Variants in ZNHIT6 observed in about 807,000 individuals in gnomAD.
ZNHIT6 encodes the protein box C/D snoRNA protein 1.
Under a neutral mutation model 57.2 loss-of-function variants are expected in ZNHIT6, and 45 were observed. The ratio of observed to expected loss-of-function variants is 0.79; its 90% confidence interval spans 0.62 to 1.01. ZNHIT6 has a LOEUF of 1.01. ZNHIT6 is among the 50% of genes least tolerant of loss of function. The pLI, the probability that ZNHIT6 is intolerant of heterozygous loss-of-function variation, is 0.00. For synonymous variants in ZNHIT6, 188 were observed against 190.0 expected (o/e 0.99, Z 0.09); for missense variants, 528 against 567.3 (o/e 0.93, Z 0.70).
In ZNHIT6 at chr1:85,653,013, C is replaced by CT. The variant is rs1190078050; in HGVS notation, c.*1044dup. 1 of 150,784 alleles carries CT rather than the reference C, an allele frequency of 6.6e-6. No homozygotes were observed. The highest frequency in any genetic ancestry group is 1.5e-5 in the Non-Finnish European group (1 of 67,550). 9.3% of individuals were successfully genotyped at this position (150,784 alleles called of 1,614,324 possible). ...TTGAAGATTTCCCAGGTTTTTTTTT[C>CT]TTTAAGTTATTGCTAGACATATCAA... On this transcript the variant is annotated 3_prime_UTR_variant, in exon 10 of 10. Transcript: ENST00000370574.
At chr1:85,695,811 C>A (rs1017581814) in intron 5 of ZNHIT6, among the ~76,000 whole-genome samples, 90 of 152,272 alleles carry the variant, frequency 5.9e-4, no homozygotes, top group Non-Finnish European at 7.5e-4. Flanking sequence ...CCGAGGCGGG[C>A]GGATCACAAG....
Position 85,702,271 on chromosome 1 carries a change from AAACC to A in ZNHIT6, c.916-15_916-12del. Reference sequence around the variant, plus strand: ...TTTCATAAAGTACATCTAACAACAAAAACCAAACAGACAAATTAATTTTTAAATT... The same window carrying A: ...TTTCATAAAGTACATCTAACAACAAAAAACAGACAAATTAATTTTTAAATT... On this transcript the variant is annotated splice_polypyrimidine_tract_variant and intron_variant, in intron 4 of 9. Coordinates refer to ENST00000370574, the MANE Select transcript of ZNHIT6 (RefSeq NM_017953.4). The A allele has an allele frequency of 6.8e-7, 1 of 1,477,500 alleles. No individual in the cohort carries two copies. The highest frequency in any genetic ancestry group is 9.3e-7 in the Non-Finnish European group (1 of 1,075,602). The allele number at this position is 1,477,500 out of a possible 1,614,324, so 91.5% of individuals were successfully genotyped here.
intron 8 of ZNHIT6, among the ~76,000 whole-genome samples, chr1:85,667,283 TA>T (rs1661394370): frequency 6.6e-6 from 1 of 152,156 alleles, no homozygotes; most frequent in Non-Finnish European, 1.5e-5. Context: ...AGGCACTCAA[TA>T]AAAGTATGTC....
At chr1:85,655,514 T>C (rs1037015220) in intron 9 of ZNHIT6, among the ~76,000 whole-genome samples, 4 of 152,242 alleles carry the variant, frequency 2.6e-5, no homozygotes, top group African/African-American at 7.2e-5. Flanking sequence ...TTTATTTTGC[T>C]GACATTTCTA....
rs1174911532 is a variant in ZNHIT6, at chr1:85,681,955, A to G, written c.1020-1051T>C. On this transcript the variant is annotated intron_variant, in intron 5 of 9. Transcript: ENST00000370574. ...ATTATCTGTGAAATAGGAATACCAT[A>G]ATAGCATTATCACAAGGCTGACTTT... 6.6e-5 allele frequency among the ~76,000 whole-genome samples: 10 copies of G among 151,948 alleles called. No individual in the cohort carries two copies. The East Asian group carries it at 1.5e-3, about 23-fold the overall frequency.
intron 5 of ZNHIT6, among the ~76,000 whole-genome samples, chr1:85,687,288 C>CAAAAAAAAAAAAAAA (rs1358501791): frequency 5.3e-5 from 4 of 75,224 alleles, no homozygotes; most frequent in Non-Finnish European, 4.6e-5. Context: ...TCTCAAAAAA[C>CAAAAAAAAAAAAAAA]AAAAAAAAAA....
chr1:85,669,878 TCCCTAGGTATTAG>T (rs1661503765), intron 8 of ZNHIT6, among the ~76,000 whole-genome samples: 1 of 152,132 alleles, frequency 6.6e-6, no homozygotes, highest in African/African-American at 2.4e-5. Flanking sequence ...TGTCTATATA[TCCCTAGGTATTAG>T]CACTGGGCTA....
chr1:85,686,618 T>C (rs940012696), intron 5 of ZNHIT6, among the ~76,000 whole-genome samples: 2 of 152,098 alleles, frequency 1.3e-5, no homozygotes, highest in Non-Finnish European at 2.9e-5. Flanking sequence ...GAGAGCTCAC[T>C]AGACATTAAG....
At chr1:85,695,172 GAGAATTGCTTGAACCCAGA>G (rs1376268847) in intron 5 of ZNHIT6, among the ~76,000 whole-genome samples, 4 of 152,202 alleles carry the variant, frequency 2.6e-5, no homozygotes, top group African/African-American at 9.6e-5. Context: ...GCTGAGGCAA[GAGAATTGCTTGAACCCAGA>G]AGATGGAGGT....
chr1:85,667,906 C>T lies in ZNHIT6; in HGVS notation c.1247+9330G>A, dbSNP rs564720162. 9.7e-4 allele frequency among the ~76,000 whole-genome samples: 127 copies of T among 131,068 alleles called. 1 individual carries two copies. Among genetic ancestry groups the T allele is most frequent in the African/African-American group, 3.5e-3 (123 of 34,868 alleles). 86.0% of individuals were successfully genotyped at this position (131,068 alleles called of 152,430 possible). ...CTGAAATTGCGCGACTGCACTCTAGCCTGGGCAACAGAGTGAGACTCATTC... is the reference window on the plus strand; with the variant it reads ...CTGAAATTGCGCGACTGCACTCTAGTCTGGGCAACAGAGTGAGACTCATTC... On this transcript the variant is annotated intron_variant, in intron 8 of 9. Coordinates refer to ENST00000370574, the MANE Select transcript of ZNHIT6 (RefSeq NM_017953.4).
intron 5 of ZNHIT6, among the ~76,000 whole-genome samples, chr1:85,683,173 C>T (rs976958600): frequency 2.0e-5 from 3 of 152,038 alleles, no homozygotes; most frequent in Non-Finnish European, 4.4e-5. Flanking sequence ...ACTGCGACTG[C>T]GTCACTGCAC....
intron 5 of ZNHIT6, among the ~76,000 whole-genome samples, chr1:85,682,082 C>T (rs550173718): frequency 2.8e-5 from 4 of 144,742 alleles, no homozygotes; most frequent in South Asian, 2.2e-4. Flanking sequence ...GGCATGATCT[C>T]GGTTCACTGC....
At chr1:85,680,756 T>C (rs1332408675) in intron 6 of ZNHIT6, 80 bp downstream of exon 6, 9 of 1,062,874 alleles carry the variant, frequency 8.5e-6, no homozygotes, top group Middle Eastern at 2.1e-4. Flanking sequence ...ATTCTACTAC[T>C]GACATTAAGT....
intron 9 of ZNHIT6, 91 bp downstream of exon 9, chr1:85,657,756 G>A: frequency 2.3e-6 from 3 of 1,288,840 alleles, no homozygotes; most frequent in Non-Finnish European, 2.2e-6. Flanking sequence ...AATATAGTGG[G>A]AAAACACATA....
intron 5 of ZNHIT6, among the ~76,000 whole-genome samples, chr1:85,683,170 C>A (rs1661926787): frequency 6.6e-6 from 1 of 152,064 alleles, no homozygotes; most frequent in Non-Finnish European, 1.5e-5. Context: ...TGAACTGCGA[C>A]TGCGTCACTG....
intron 5 of ZNHIT6, among the ~76,000 whole-genome samples, chr1:85,686,221 A>G (rs895740232): frequency 6.6e-6 from 1 of 152,068 alleles, no homozygotes; most frequent in Non-Finnish European, 1.5e-5. Context: ...TCGGCCTCCC[A>G]AAGTGCTGGA....
intron 9 of ZNHIT6, among the ~76,000 whole-genome samples, 164 bp from the exon 10 acceptor site, chr1:85,654,262 C>T (rs1306499183): frequency 6.6e-6 from 1 of 152,088 alleles, no homozygotes; most frequent in Admixed American, 6.6e-5. Context: ...ATTCTGGCCA[C>T]AATAAATAGA....
chr1:85,701,941 GAC>G lies in ZNHIT6; in HGVS notation c.1019+214_1019+215del, dbSNP rs3059888. Among the ~76,000 whole-genome samples, 207 of 150,378 alleles carry G rather than the reference GAC, an allele frequency of 1.4e-3. 1 individual carries two copies. The highest frequency in any genetic ancestry group is 4.4e-3 in the Admixed American group (66 of 15,118). The stretch of plus-strand genomic sequence containing the variant: ...TGAGAAGCTTCTCAAATGATATGAA[GAC>G]ACACACACACACACACACACACGCA... On this transcript the variant is annotated intron_variant, in intron 5 of 9. Coordinates refer to ENST00000370574, the MANE Select transcript of ZNHIT6 (RefSeq NM_017953.4).
chr1:85,697,886 A>G (rs1341118538), intron 5 of ZNHIT6, among the ~76,000 whole-genome samples: 2 of 152,214 alleles, frequency 1.3e-5, no homozygotes, highest in Non-Finnish European at 2.9e-5. Flanking sequence ...TTCTTCATAT[A>G]GGTCTTTCAT....
Sources: allele counts gnomAD v4.1 joint callset (sites outside exome capture counted in the v4.1 genomes callset), GRCh38; gene constraint gnomAD v4.1.1; transcripts MANE v1.5; gene names NCBI Gene and HGNC (gene_info 2026-07-23, HGNC 2026-07-21).